SFI1: variants seen among roughly 807,000 people sequenced by gnomAD.
SFI1 encodes the protein protein SFI1 homolog.
Under a neutral mutation model 207.5 loss-of-function variants are expected in SFI1, and 195 were observed. That is an observed-to-expected ratio of 0.94 (90% CI 0.84 to 1.06). The LOEUF is 1.06. Ranked by LOEUF, SFI1 falls within the 50% of genes least tolerant of loss-of-function variation. The pLI is 0.00. For synonymous variants in SFI1, 630 were observed against 598.9 expected (o/e 1.05, Z -0.76); for missense variants, 1,634 against 1,588.0 (o/e 1.03, Z -0.49).
intron 2 of SFI1, among the ~76,000 whole-genome samples, chr22:31,512,534 T>G (rs2055755379): frequency 6.6e-6 from 1 of 151,990 alleles, no homozygotes; most frequent in African/African-American, 2.4e-5. Context: ...TTTTTTTTTT[T>G]GAGACGGAGT....
rs748632016 is a variant in SFI1 at position 31,528,883 on chromosome 22, C to A, written c.266+20C>A. 11 of 1,602,800 alleles carry A rather than the reference C, an allele frequency of 6.9e-6. No individual in the cohort carries two copies. Among genetic ancestry groups the A allele is most frequent in the Non-Finnish European group, 9.4e-6 (11 of 1,172,650 alleles). The stretch of plus-strand genomic sequence containing the variant: ...CATCAGGTGAGCTTATGAGTGGCCA[C>A]CAGTCTATGGGTACTTTGCTTTTGT... On this transcript the variant is annotated intron_variant, in intron 3 of 32. Transcript: ENST00000400288.
chr22:31,555,194 C>T (rs1347533522), intron 6 of SFI1, among the ~76,000 whole-genome samples: 3 of 152,130 alleles, frequency 2.0e-5, no homozygotes, highest in Non-Finnish European at 4.4e-5. Flanking sequence ...GAAAAAGTCA[C>T]TTGGATGACT....
intron 8 of SFI1, among the ~76,000 whole-genome samples, chr22:31,563,002 T>TATATATATATATATATATA (rs2061883923): frequency 6.6e-6 from 1 of 150,910 alleles, no homozygotes; most frequent in Non-Finnish European, 1.5e-5. Flanking sequence ...TATATATATA[T>TATATATATATATATATATA]GTTTTGAGAC....
chr22:31,587,909 G>A (rs1349496709), intron 14 of SFI1: 2 of 152,184 alleles, frequency 1.3e-5, no homozygotes, highest in Non-Finnish European at 2.9e-5. Flanking sequence ...CATTTGATGG[G>A]TAAGCCTGGT....
intron 10 of SFI1, 86 bp downstream of exon 10, chr22:31,575,478 C>A: frequency 7.4e-7 from 1 of 1,353,472 alleles, no homozygotes; most frequent in South Asian, 1.7e-5. Flanking sequence ...TCATGAGATA[C>A]ATGGGAAACA....
intron 6 of SFI1, among the ~76,000 whole-genome samples, chr22:31,554,134 A>C (rs951877056): frequency 2.0e-5 from 3 of 151,836 alleles, no homozygotes; most frequent in Non-Finnish European, 4.4e-5. Context: ...CACTGTGCCC[A>C]GCTGGATTAT....
chr22:31,542,152 A>G (rs1449898132), intron 4 of SFI1, among the ~76,000 whole-genome samples: 1 of 151,012 alleles, frequency 6.6e-6, no homozygotes, highest in Non-Finnish European at 1.5e-5. Flanking sequence ...AGTCTCCTAT[A>G]ATCTCTCCCC....
intron 6 of SFI1, 108 bp downstream of exon 6, chr22:31,550,456 GGAA>G (rs1467742270): frequency 8.5e-6 from 7 of 819,138 alleles, no homozygotes; most frequent in Non-Finnish European, 1.4e-5. Context: ...CTAGGCCAAA[GGAA>G]GATTTGTTTG....
intron 29 of SFI1, 41 bp downstream of exon 29, chr22:31,615,320 C>T (rs1275578251): frequency 7.7e-6 from 11 of 1,425,596 alleles, no homozygotes; most frequent in Non-Finnish European, 1.0e-5. Context: ...GGGGCTCTCA[C>T]TCTGGTCTGA....
rs1048029751 is a variant in SFI1 at position 31,541,363 on chromosome 22, G to T, written c.339-5498G>T. 5.9e-5 allele frequency among the ~76,000 whole-genome samples: 9 copies of T among 152,120 alleles called. No homozygotes were observed. In the South Asian group the frequency reaches 1.2e-3, roughly 21 times the overall value. On this transcript the variant is annotated intron_variant, in intron 4 of 32. Transcript: ENST00000400288. ...GGTCTTTTTAGGCTTACACCTTTTT[G>T]AATACATTTGCTGTTATTTAATGCG...
At chr22:31,556,318 G>T (rs977858157) in intron 6 of SFI1, among the ~76,000 whole-genome samples, 3 of 151,626 alleles carry the variant, frequency 2.0e-5, no homozygotes, top group Non-Finnish European at 2.9e-5. Flanking sequence ...TCCCTCCCAG[G>T]TTTAGCAATT....
rs1450134633 is a variant in SFI1 at position 31,593,303 on chromosome 22, C to T, written c.1544+3726C>T. Among the ~76,000 whole-genome samples, 5 of 140,494 alleles carry T rather than the reference C, an allele frequency of 3.6e-5. No individual in the cohort carries two copies. The South Asian group carries it at 7.1e-4, about 20-fold the overall frequency. 92.2% of individuals were successfully genotyped at this position (140,494 alleles called of 152,430 possible). ...ACGGGGCGGCCGGGCAGAGACGCTC[C>T]TCACCTCCCAGACGGGGTCTCGGCC... is the stretch of plus-strand genomic sequence containing the variant. On this transcript the variant is annotated intron_variant, in intron 15 of 32. Transcript: ENST00000400288.
At chr22:31,521,683 AT>A (rs1053782784) in intron 2 of SFI1, 2 of 152,198 alleles carry the variant, frequency 1.3e-5, no homozygotes, top group African/African-American at 4.8e-5. Flanking sequence ...TGGCACGGTG[AT>A]TGAAACTGCC....
At chr22:31,552,942 C>T (rs2060758909) in intron 6 of SFI1, among the ~76,000 whole-genome samples, 1 of 151,812 alleles carries the variant, frequency 6.6e-6, no homozygotes, top group Admixed American at 6.6e-5. Flanking sequence ...CTTCCTGGGC[C>T]AAGTAATCCT....
intron 12 of SFI1, among the ~76,000 whole-genome samples, chr22:31,581,179 A>G (rs910917969): frequency 1.3e-5 from 2 of 151,330 alleles, no homozygotes; most frequent in Non-Finnish European, 2.9e-5. Flanking sequence ...GGGTCCTACT[A>G]TGTTGCCTAG....
At position 31,613,618 on chromosome 22, in the gene SFI1, A is replaced by G; in HGVS notation, c.2759A>G (p.His920Arg). The G allele has an allele frequency of 6.3e-7, 1 of 1,587,820 alleles. No individual in the cohort carries two copies. Among genetic ancestry groups the G allele is most frequent in the South Asian group, 1.1e-5 (1 of 88,332 alleles). ...QQQVQAAHSL[H>R]RAVRRCATLW... The stretch of plus-strand genomic sequence containing the variant: ...GTGTTGTAGGCGGCTCACAGTCTCC[A>G]TCGTGCCGTCCGCCGCTGTGCCACG... Residue 920 changes from histidine to arginine, a missense_variant, in exon 27 of 33, where the codon CAT becomes CGT. Coordinates refer to ENST00000400288, the MANE Select transcript of SFI1 (RefSeq NM_001007467.3).
intron 29 of SFI1, chr22:31,616,115 G>C (rs1353085442): frequency 6.6e-6 from 1 of 152,098 alleles, no homozygotes; most frequent in Non-Finnish European, 1.5e-5. Context: ...CCTGGGTGGG[G>C]ATGGCCAGGG....
At position 31,618,164 on chromosome 22, in the gene SFI1, A is replaced by G; in HGVS notation, c.3562A>G (p.Arg1188Gly). The G allele has an allele frequency of 6.3e-7, 1 of 1,593,474 alleles. No individual in the cohort carries two copies. Among genetic ancestry groups the G allele is most frequent in the Non-Finnish European group, 8.5e-7 (1 of 1,172,102 alleles). ...SSLRRWLELN[R>G]EEPGPEDQEV... ...CCTGCGCAGGTGGCTGGAGCTGAAC[A>G]GAGAGGAGCCGGGGCCTGAGGACCA... The change falls in exon 32 of 33, where the codon AGA becomes GGA. Residue 1188 changes from arginine to glycine, a missense_variant. Physicochemically the swap from Arg to Gly is moderately radical, Grantham distance 125. Transcript: ENST00000400288.
intron 15 of SFI1, among the ~76,000 whole-genome samples, chr22:31,593,599 CCGGG>C (rs1311032718): frequency 1.9e-5 from 2 of 105,998 alleles, no homozygotes; most frequent in African/African-American, 7.6e-5. Context: ...GGGGTGGCGG[CCGGG>C]CAGAGGCTGC....
Sources: allele counts gnomAD v4.1 joint callset (sites outside exome capture counted in the v4.1 genomes callset), GRCh38; gene constraint gnomAD v4.1.1; transcripts MANE v1.5; gene names NCBI Gene and HGNC (gene_info 2026-07-23, HGNC 2026-07-21).